The following WDPCP variants were observed in gnomAD, a reference collection of about 807,000 sequenced individuals.
The protein encoded by WDPCP is WD repeat containing planar cell polarity effector.
In WDPCP, 71 loss-of-function variants were observed where a neutral mutation model predicts 93.1. The observed-to-expected ratio is 0.76, with a 90% CI of 0.63 to 0.93. WDPCP has a LOEUF of 0.93. Ranked by LOEUF, WDPCP falls within the 40% of genes least tolerant of loss-of-function variation. The pLI is 0.00. For missense variants in WDPCP, 844 were observed against 887.4 expected (o/e 0.95, Z 0.62); for synonymous variants, 315 against 315.0 (o/e 1.00, Z 0.00).
At chr2:63,805,768 T>C (rs1670755348) in intron 2 of WDPCP, among the ~76,000 whole-genome samples, 1 of 152,202 alleles carries the variant, frequency 6.6e-6, no homozygotes, top group Non-Finnish European at 1.5e-5. Context: ...GTACCACAAA[T>C]TATTAATACA....
At chr2:63,789,432 T>A (rs548109599) in intron 2 of WDPCP, among the ~76,000 whole-genome samples, 1 of 152,304 alleles carries the variant, frequency 6.6e-6, no homozygotes, top group African/African-American at 2.4e-5. Context: ...AGGAACACTC[T>A]GTTTCTATCA....
intron 2 of WDPCP, among the ~76,000 whole-genome samples, chr2:63,691,486 T>C (rs564247768): frequency 6.6e-6 from 1 of 151,986 alleles, no homozygotes; most frequent in South Asian, 2.1e-4. Context: ...AACACAAAAA[T>C]CAGCTGGGCG....
At chr2:63,221,619 A>G (rs558102236) in intron 14 of WDPCP, among the ~76,000 whole-genome samples, 4 of 152,318 alleles carry the variant, frequency 2.6e-5, no homozygotes, top group African/African-American at 9.6e-5. Flanking sequence ...CATGTATCAC[A>G]AAAGTAAAGC....
At chr2:63,831,750 A>C (rs1165092774), upstream of WDPCP, among the ~76,000 whole-genome samples, 2 of 152,150 alleles carry the variant, frequency 1.3e-5, no homozygotes, top group African/African-American at 4.8e-5. Flanking sequence ...AATATTTTTT[A>C]ACATCAAAAC....
At chr2:63,550,192 AACACACACACACAC>A (rs56155473) in intron 1 of WDPCP, among the ~76,000 whole-genome samples, 37 of 44,356 alleles carry the variant, frequency 8.3e-4, no homozygotes, top group Admixed American at 3.6e-3. Flanking sequence ...CATCTTAAGA[AACACACACACACAC>A]ACACACACAC....
At chr2:63,695,395 CA>C (rs2103684925) in intron 2 of WDPCP, among the ~76,000 whole-genome samples, 1 of 152,250 alleles carries the variant, frequency 6.6e-6, no homozygotes, top group Admixed American at 6.5e-5. Flanking sequence ...TCCTGCCATG[CA>C]GGACAACCAG....
chr2:63,650,497 C>T (rs974046677), intron 3 of WDPCP, among the ~76,000 whole-genome samples: 8 of 152,178 alleles, frequency 5.3e-5, no homozygotes, highest in African/African-American at 9.7e-5. Context: ...GGCTTCTTTA[C>T]TTGTCTTATA....
chr2:63,455,938 C>T (rs1698594133), intron 6 of WDPCP, among the ~76,000 whole-genome samples: 1 of 152,108 alleles, frequency 6.6e-6, no homozygotes, highest in South Asian at 2.1e-4. Context: ...CAAAAAAAGT[C>T]TCAACAAAAG....
intron 13 of WDPCP, among the ~76,000 whole-genome samples, chr2:63,299,780 C>T (rs764699815): frequency 2.6e-5 from 4 of 152,084 alleles, no homozygotes; most frequent in Non-Finnish European, 5.9e-5. Flanking sequence ...AGAAGAAATC[C>T]CTTAGGCAGA....
chr2:63,752,109 A>G (rs530553165), intron 2 of WDPCP: 213 of 608,730 alleles, frequency 3.5e-4, no homozygotes, highest in Non-Finnish European at 5.4e-4. Context: ...TCCTAACTTC[A>G]CAGGTGTGGC....
chr2:63,614,532 G>A (rs1411033313), intron 3 of WDPCP, among the ~76,000 whole-genome samples: 1 of 152,098 alleles, frequency 6.6e-6, no homozygotes, highest in Non-Finnish European at 1.5e-5. Flanking sequence ...TGAAATGAAA[G>A]AGGCTGGAAG....
Position 63,404,503 on chromosome 2 carries a change from T to C in WDPCP, c.980A>G (p.Gln327Arg). ...CIYECIRNKIQCVSVTRIPLK... is the reference protein window; with the variant it reads ...CIYECIRNKIRCVSVTRIPLK... Reference sequence around the variant, plus strand: ...TGGTATTCTGGTGACTGACACACACTGGATTTTATTCCGAATGCATTCATA... The same window carrying C: ...TGGTATTCTGGTGACTGACACACACCGGATTTTATTCCGAATGCATTCATA... Residue 327 changes from glutamine (Q) to arginine (R), a missense_variant, in exon 10 of 18, where the codon CAG (glutamine) becomes CGG (arginine). Transcript: ENST00000272321. 6.2e-7 allele frequency: 1 copy of C among 1,613,992 alleles called. No homozygotes were observed. The highest frequency in any genetic ancestry group is 8.5e-7 in the Non-Finnish European group (1 of 1,179,894).
chr2:63,369,930 G>T (rs2104763663), intron 12 of WDPCP, among the ~76,000 whole-genome samples: 1 of 152,266 alleles, frequency 6.6e-6, no homozygotes, highest in South Asian at 2.1e-4. Context: ...AGGAGGCAAT[G>T]CTGTTAAAGG....
At chr2:63,503,930 C>T (rs1468896578) in intron 1 of WDPCP, among the ~76,000 whole-genome samples, 1 of 151,078 alleles carries the variant, frequency 6.6e-6, no homozygotes, top group Non-Finnish European at 1.5e-5. Flanking sequence ...AACAGAAATC[C>T]TTTATCTACA....
At chr2:63,408,706 TGTGAGGCAGTGAGA>T (rs1402422863) in intron 9 of WDPCP, among the ~76,000 whole-genome samples, 3 of 152,122 alleles carry the variant, frequency 2.0e-5, no homozygotes, top group Admixed American at 2.0e-4. Context: ...GGGACTGTTG[TGTGAGGCAGTGAGA>T]GTGAGACAGG....
chr2:63,377,997 A>G (rs983310280), intron 12 of WDPCP: 1 of 183,690 alleles, frequency 5.4e-6, no homozygotes, highest in Non-Finnish European at 1.2e-5. Context: ...GTTTTTCTAC[A>G]GTAATTCTTA....
At chr2:63,424,087 G>A (rs530468888) in intron 9 of WDPCP, among the ~76,000 whole-genome samples, 2 of 152,266 alleles carry the variant, frequency 1.3e-5, no homozygotes, top group Non-Finnish European at 2.9e-5. Context: ...GGTGAGTGAA[G>A]TGATGGCAGG....
chr2:63,792,948 G>C (rs935612409), intron 2 of WDPCP, among the ~76,000 whole-genome samples: 2 of 151,526 alleles, frequency 1.3e-5, no homozygotes, highest in Admixed American at 1.3e-4. Flanking sequence ...TACCATGGTA[G>C]AAGCCTAAAA....
chr2:63,684,635 T>G, intron 2 of WDPCP: 1 of 700,756 alleles, frequency 1.4e-6, no homozygotes, highest in Non-Finnish European at 2.7e-6. Context: ...ACGCAAGGCC[T>G]GACGAGAGGT....
Sources: gnomAD v4.1 joint callset for allele counts (sites outside exome capture counted in the v4.1 genomes callset) on GRCh38, gnomAD v4.1.1 for gene constraint, MANE v1.5 for transcripts, NCBI Gene and HGNC (gene_info 2026-07-23, HGNC 2026-07-21) for gene names.